SLC36A1: variants seen among roughly 807,000 people sequenced by gnomAD.
The protein encoded by SLC36A1 is solute carrier family 36 member 1, also known as proton-coupled amino acid transporter 1.
Under a neutral mutation model 47.5 loss-of-function variants are expected in SLC36A1, and 30 were observed. The ratio of observed to expected loss-of-function variants is 0.63; its 90% CI spans 0.47 to 0.86. The LOEUF (loss-of-function observed/expected upper bound fraction) is 0.86, where lower values mean the gene tolerates loss of function less well. Ranked by LOEUF, SLC36A1 falls within the 40% of genes least tolerant of loss-of-function variation. The pLI, the probability that SLC36A1 is intolerant of heterozygous loss-of-function variation, is 0.00. For missense variants in SLC36A1, 517 were observed against 606.0 expected (o/e 0.85, Z 1.54); for synonymous variants, 255 against 249.7 (o/e 1.02, Z -0.20).
At position 151,490,946 on chromosome 5, in the gene SLC36A1, A is replaced by G. The variant is rs1397956716; in HGVS notation, c.*2692A>G. 1 of 152,304 alleles carries G rather than the reference A, an allele frequency of 6.6e-6. No homozygotes were observed. Among genetic ancestry groups the G allele is most frequent in the Non-Finnish European group, 1.5e-5 (1 of 68,118 alleles). The allele number at this position is 152,304 out of a possible 1,614,324, so 9.4% of individuals were successfully genotyped here. On this transcript the variant is annotated 3_prime_UTR_variant, in exon 11 of 11. Coordinates refer to ENST00000243389, the MANE Select transcript of SLC36A1 (RefSeq NM_078483.4). Reference sequence around the variant, plus strand: ...GTGTCTTCCCAGGATAAGTAGAAATATGATCACAGAGCAACGGAGCAAAGG... The same window carrying G: ...GTGTCTTCCCAGGATAAGTAGAAATGTGATCACAGAGCAACGGAGCAAAGG...
chr5:151,431,897 T>C, the SLC36A1 span, among the ~76,000 whole-genome samples: 2 of 152,182 alleles, frequency 1.3e-5, no homozygotes, highest in South Asian at 2.1e-4. Flanking sequence ...CTGCAAAATA[T>C]GATCTCAGCT....
the SLC36A1 span, chr5:151,551,385 A>G: frequency 1.4e-6 from 2 of 1,469,468 alleles, no homozygotes; most frequent in Non-Finnish European, 1.8e-6. Flanking sequence ...CCACATCCAC[A>G]GAAAACCTCT....
chr5:151,547,014 A>C, the SLC36A1 span, among the ~76,000 whole-genome samples: 38 of 152,108 alleles, frequency 2.5e-4, no homozygotes, highest in Non-Finnish European at 5.0e-4. Flanking sequence ...AATTTTTTCA[A>C]TATCCATCCA....
chr5:151,539,471 T>C, the SLC36A1 span, among the ~76,000 whole-genome samples: 54 of 152,210 alleles, frequency 3.5e-4, no homozygotes, highest in African/African-American at 1.3e-3. Context: ...GCTAGGTATA[T>C]AGGTATATGC....
the SLC36A1 span, among the ~76,000 whole-genome samples, chr5:151,421,937 T>C: frequency 6.6e-6 from 1 of 152,124 alleles, no homozygotes; most frequent in African/African-American, 2.4e-5. Flanking sequence ...TTTTAAACTG[T>C]GTAGAAAGTG....
At chr5:151,435,103 G>A (rs1464875525), upstream of SLC36A1, among the ~76,000 whole-genome samples, 6 of 152,174 alleles carry the variant, frequency 3.9e-5, no homozygotes, top group Non-Finnish European at 7.4e-5. Context: ...ATAAATAAAG[G>A]ACACACGTAT....
At chr5:151,370,512 C>T in the SLC36A1 span, among the ~76,000 whole-genome samples, 20 of 152,174 alleles carry the variant, frequency 1.3e-4, no homozygotes, top group Non-Finnish European at 2.4e-4. Context: ...TTCCTCATAT[C>T]CACCTTGAAG....
chr5:151,366,587 G>T, the SLC36A1 span: 1 of 201,676 alleles, frequency 5.0e-6, no homozygotes, highest in South Asian at 7.7e-5. Context: ...ATGAGGGGCA[G>T]GGTGCTGCTG....
chr5:151,476,488 T>C, intron 8 of SLC36A1, 102 bp from the exon 9 acceptor site: 1 of 909,154 alleles, frequency 1.1e-6, no homozygotes. Context: ...TGGAGAATTC[T>C]GGGGATAAAA....
the SLC36A1 span, among the ~76,000 whole-genome samples, chr5:151,355,263 G>A: frequency 5.9e-5 from 9 of 152,132 alleles, no homozygotes; most frequent in South Asian, 1.7e-3. Context: ...AGGCGCGGGA[G>A]CATAGAATGG....
chr5:151,552,432 C>T, the SLC36A1 span, among the ~76,000 whole-genome samples: 3 of 152,200 alleles, frequency 2.0e-5, no homozygotes, highest in African/African-American at 4.8e-5. Flanking sequence ...TCCTATCCTA[C>T]TCTTAGCCAG....
chr5:151,362,670 C>T, the SLC36A1 span, among the ~76,000 whole-genome samples: 125 of 152,286 alleles, frequency 8.2e-4, 2 homozygotes, highest in Middle Eastern at 0.014. Flanking sequence ...GGATTATAGG[C>T]GTGAGGCACA....
chr5:151,449,678 G>GA (rs1753327802), intron 1 of SLC36A1, among the ~76,000 whole-genome samples: 1 of 152,210 alleles, frequency 6.6e-6, no homozygotes, highest in Admixed American at 6.5e-5. Flanking sequence ...TGCCATAAGG[G>GA]AAGGGTGTTT....
At chr5:151,536,133 G>T in the SLC36A1 span, among the ~76,000 whole-genome samples, 1 of 152,016 alleles carries the variant, frequency 6.6e-6, no homozygotes, top group Non-Finnish European at 1.5e-5. Flanking sequence ...GGAGGAAGGG[G>T]TTATCATGCA....
At chr5:151,399,245 C>G in the SLC36A1 span, among the ~76,000 whole-genome samples, 3 of 151,658 alleles carry the variant, frequency 2.0e-5, no homozygotes, top group African/African-American at 7.3e-5. Flanking sequence ...TACCACCACA[C>G]CTGGCGAATT....
upstream of SLC36A1, among the ~76,000 whole-genome samples, chr5:151,436,379 C>T (rs1759778606): frequency 6.6e-6 from 1 of 152,088 alleles, no homozygotes; most frequent in South Asian, 2.1e-4. Context: ...TACTGAAAGG[C>T]AGATTGAAGG....
chr5:151,438,772 G>A (rs34831908), intron 1 of SLC36A1, among the ~76,000 whole-genome samples: 2,613 of 152,270 alleles, frequency 0.017, 39 homozygotes, highest in Non-Finnish European at 0.029. Context: ...ACCTGGCATT[G>A]GTGGCAGAGC....
the SLC36A1 span, among the ~76,000 whole-genome samples, chr5:151,418,086 GCA>G: frequency 6.6e-6 from 1 of 152,262 alleles, no homozygotes; most frequent in African/African-American, 2.4e-5. Flanking sequence ...GCCTACAGGT[GCA>G]CAGAAGTCAA....
At chr5:151,523,339 TATG>T in the SLC36A1 span, among the ~76,000 whole-genome samples, 1 of 152,324 alleles carries the variant, frequency 6.6e-6, no homozygotes, top group South Asian at 2.1e-4. Flanking sequence ...ATAGATAAAC[TATG>T]ATAATGCTGT....
Sources: allele counts gnomAD v4.1 joint callset (sites outside exome capture counted in the v4.1 genomes callset), GRCh38; gene constraint gnomAD v4.1.1; transcripts MANE v1.5; gene names NCBI Gene and HGNC (gene_info 2026-07-23, HGNC 2026-07-21).